The following ZNF609 variants were observed in gnomAD, a reference collection of about 807,000 sequenced individuals.
The protein encoded by ZNF609 is zinc finger protein 609.
In ZNF609, 11 loss-of-function variants were observed where a neutral mutation model predicts 109.5. The observed-to-expected ratio is 0.10, with a 90% confidence interval of 0.06 to 0.17. ZNF609 has a LOEUF of 0.17. Among genes scored for constraint, ZNF609 ranks in the 10% least tolerant of loss-of-function variants. The pLI is 1.00. For synonymous variants in ZNF609, 646 were observed against 662.0 expected, an observed-to-expected ratio of 0.98 and a Z score of 0.37; for missense variants, 1,559 against 1,772.4, an observed-to-expected ratio of 0.88 and a Z score of 2.16.
intron 3 of ZNF609, among the ~76,000 whole-genome samples, chr15:64,668,338 G>A (rs1278908181): frequency 2.0e-5 from 3 of 152,264 alleles, no homozygotes; most frequent in Non-Finnish European, 1.5e-5. Flanking sequence ...ACTGTGAAAC[G>A]TGGAAGAAAG....
intron 2 of ZNF609, among the ~76,000 whole-genome samples, chr15:64,512,352 T>C (rs913673869): frequency 1.3e-5 from 2 of 152,194 alleles, no homozygotes; most frequent in South Asian, 2.1e-4. Context: ...AGCTTTTTTT[T>C]CTATGTAGAT....
At chr15:64,552,593 A>G (rs992768071) in intron 2 of ZNF609, among the ~76,000 whole-genome samples, 8 of 152,004 alleles carry the variant, frequency 5.3e-5, no homozygotes, top group Non-Finnish European at 1.2e-4. Context: ...ACCTCAAGCA[A>G]TCCACCTGCT....
At chr15:64,645,884 AG>A (rs1896327586) in intron 3 of ZNF609, among the ~76,000 whole-genome samples, 3 of 152,338 alleles carry the variant, frequency 2.0e-5, no homozygotes, top group African/African-American at 7.2e-5. Context: ...GAAAATAAAA[AG>A]TGTTCAAGAG....
At chr15:64,515,259 G>T (rs997428695) in intron 2 of ZNF609, among the ~76,000 whole-genome samples, 7 of 152,166 alleles carry the variant, frequency 4.6e-5, no homozygotes, top group Non-Finnish European at 8.8e-5. Context: ...ACACTGCTGT[G>T]AATAGTATAC....
intron 1 of ZNF609, among the ~76,000 whole-genome samples, chr15:64,485,059 A>G (rs1408384015): frequency 6.6e-6 from 1 of 152,340 alleles, no homozygotes; most frequent in Middle Eastern, 3.4e-3. Context: ...GCTGGGCATC[A>G]TTAGGAAGAG....
At chr15:64,541,127 A>T (rs1214671886) in intron 2 of ZNF609, among the ~76,000 whole-genome samples, 1 of 149,898 alleles carries the variant, frequency 6.7e-6, no homozygotes, top group African/African-American at 2.5e-5. Flanking sequence ...GGAAAAGCAG[A>T]AAAGAATTGC....
intron 2 of ZNF609, among the ~76,000 whole-genome samples, chr15:64,561,064 A>C (rs1567014745): frequency 6.6e-6 from 1 of 152,158 alleles, no homozygotes; most frequent in Non-Finnish European, 1.5e-5. Flanking sequence ...TCCCATTCAT[A>C]TACCACCCAC....
chr15:64,667,432 G>A (rs1327583185), intron 3 of ZNF609, among the ~76,000 whole-genome samples: 3 of 152,174 alleles, frequency 2.0e-5, no homozygotes, highest in Admixed American at 2.0e-4. Flanking sequence ...CTTGGAGCTG[G>A]GTGTGGTGGC....
chr15:64,536,303 T>C (rs1567007930), intron 2 of ZNF609, among the ~76,000 whole-genome samples: 1 of 152,166 alleles, frequency 6.6e-6, no homozygotes, highest in Non-Finnish European at 1.5e-5. Context: ...ATTACAGGCA[T>C]GCGCCCCTGT....
chr15:64,589,893 C>T (rs1895264212), intron 2 of ZNF609, among the ~76,000 whole-genome samples: 1 of 152,060 alleles, frequency 6.6e-6, no homozygotes, highest in African/African-American at 2.4e-5. Flanking sequence ...TTGGAAAGCT[C>T]TTGATAGTAT....
Position 64,658,565 on chromosome 15 carries a change from TAC to T in ZNF609, c.974-11763_974-11762del, listed in dbSNP as rs112798266. Reference sequence around the variant, plus strand: ...TATAATCCCAGCACTTTGAAAGATATACACACACACACACACACATTATATAT... The same window carrying T: ...TATAATCCCAGCACTTTGAAAGATATACACACACACACACACATTATATAT... On this transcript the variant is annotated intron_variant, in intron 3 of 9. Coordinates refer to ENST00000326648, the MANE Select transcript of ZNF609 (RefSeq NM_015042.2). 4.6e-3 allele frequency among the ~76,000 whole-genome samples: 697 copies of T among 150,796 alleles called. 4 individuals carry two copies. Among genetic ancestry groups the T allele is most frequent in the African/African-American group, 0.012 (479 of 41,114 alleles).
rs534742934 is a variant in ZNF609 at position 64,610,741 on chromosome 15, A to G, written c.748-12086A>G. On this transcript the variant is annotated intron_variant, in intron 2 of 9. Coordinates refer to ENST00000326648, the MANE Select transcript of ZNF609 (RefSeq NM_015042.2). ...GAGAATCATCCCATTCCTCCTTCCT[A>G]AGCCACAGCAGAGCAAAATGTGATT... 3.3e-5 allele frequency among the ~76,000 whole-genome samples: 5 copies of G among 152,276 alleles called. No homozygotes were observed. In the East Asian group the frequency reaches 7.7e-4, roughly 23 times the overall value.
At chr15:64,544,581 A>G (rs1047383256) in intron 2 of ZNF609, among the ~76,000 whole-genome samples, 2 of 152,160 alleles carry the variant, frequency 1.3e-5, no homozygotes, top group Non-Finnish European at 2.9e-5. Context: ...TCCTTCCTTT[A>G]TGTTGAAACA....
intron 1 of ZNF609, among the ~76,000 whole-genome samples, chr15:64,480,245 AAAG>A (rs1256952478): frequency 2.0e-5 from 3 of 149,814 alleles, no homozygotes; most frequent in Middle Eastern, 3.5e-3. Flanking sequence ...TCTCCAAAAA[AAAG>A]GTGTGCTGGG....
chr15:64,667,663 G>A (rs906061952), intron 3 of ZNF609, among the ~76,000 whole-genome samples: 5 of 151,784 alleles, frequency 3.3e-5, no homozygotes, highest in African/African-American at 4.8e-5. Flanking sequence ...AATGAGCTGA[G>A]ATCAGGCCAT....
intron 3 of ZNF609, among the ~76,000 whole-genome samples, chr15:64,652,275 C>T (rs1001334518): frequency 3.3e-5 from 5 of 152,238 alleles, no homozygotes; most frequent in African/African-American, 4.8e-5. Context: ...CTGCCCACCT[C>T]GGCCTCCCAA....
At chr15:64,516,211 C>G (rs902477506) in intron 2 of ZNF609, among the ~76,000 whole-genome samples, 10 of 152,116 alleles carry the variant, frequency 6.6e-5, no homozygotes, top group Admixed American at 6.6e-4. Flanking sequence ...ATCTAATAAC[C>G]TGAAGCAGAA....
At chr15:64,474,098 G>A (rs1467225479) in intron 1 of ZNF609, among the ~76,000 whole-genome samples, 1 of 151,892 alleles carries the variant, frequency 6.6e-6, no homozygotes, top group Non-Finnish European at 1.5e-5. Context: ...AGTAGAGACG[G>A]GGTTTCACCA....
chr15:64,495,259 A>G (rs371450939), intron 1 of ZNF609, among the ~76,000 whole-genome samples: 1 of 152,338 alleles, frequency 6.6e-6, no homozygotes, highest in African/African-American at 2.4e-5. Flanking sequence ...TCCCTCACAT[A>G]TTATTCAGGG....
Sources: allele counts gnomAD v4.1 joint callset (sites outside exome capture counted in the v4.1 genomes callset), GRCh38; gene constraint gnomAD v4.1.1; transcripts MANE v1.5; gene names NCBI Gene and HGNC (gene_info 2026-07-23, HGNC 2026-07-21).